The following TRAPPC13 variants were observed in gnomAD, a reference collection of about 807,000 sequenced individuals.
TRAPPC13 encodes the protein trafficking protein particle complex subunit 13.
TRAPPC13 carries 39 observed loss-of-function variants against 54.0 expected under a neutral mutation model. That is an observed-to-expected ratio of 0.72 (90% confidence interval 0.56 to 0.94). The LOEUF is 0.94. TRAPPC13 is among the 40% of genes least tolerant of loss of function. The pLI, the probability that TRAPPC13 is intolerant of heterozygous loss-of-function variation, is 0.00. For synonymous variants in TRAPPC13, 148 were observed against 167.7 expected (o/e 0.88, Z 0.91); for missense variants, 386 against 488.1 (o/e 0.79, Z 1.97).
chr5:65,632,849 C>T (rs1755598513), intron 1 of TRAPPC13, among the ~76,000 whole-genome samples: 2 of 152,114 alleles, frequency 1.3e-5, no homozygotes, highest in African/African-American at 2.4e-5. Flanking sequence ...TTTTTAATTG[C>T]CTTCAGTTTC....
chr5:65,661,087 T>C (rs1354026944), intron 10 of TRAPPC13, 190 bp downstream of exon 10: 3 of 480,924 alleles, frequency 6.2e-6, no homozygotes, highest in Admixed American at 3.9e-5. Context: ...GAATGAAAAA[T>C]GGTCAAATGT....
chr5:65,634,018 C>T (rs1428987778), intron 1 of TRAPPC13, among the ~76,000 whole-genome samples: 3 of 107,320 alleles, frequency 2.8e-5, no homozygotes, highest in African/African-American at 3.6e-5. Context: ...CGGAGTCTTG[C>T]TCTGTCGCCC....
chr5:65,642,919 G>A (rs1486752566), intron 4 of TRAPPC13, among the ~76,000 whole-genome samples: 1 of 152,176 alleles, frequency 6.6e-6, no homozygotes, highest in Non-Finnish European at 1.5e-5. Flanking sequence ...AAAATTGATG[G>A]TGGAAGAAAG....
chr5:65,657,028 G>C lies in TRAPPC13; in HGVS notation c.565-1340G>C, dbSNP rs559177085. 6.1e-3 allele frequency among the ~76,000 whole-genome samples: 933 copies of C among 151,800 alleles called. 11 individuals are homozygous for C. The highest frequency in any genetic ancestry group is 0.021 in the African/African-American group (879 of 41,380). ...GGAGGTGGAGGTTGCAGTGAGAGGA[G>C]ATCTTGCCACTGCATTCTACTCTGG... On this transcript the variant is annotated intron_variant, in intron 8 of 12. Transcript: ENST00000399438.
At chr5:65,627,833 T>G (rs1220411883) in intron 1 of TRAPPC13, among the ~76,000 whole-genome samples, 2 of 152,190 alleles carry the variant, frequency 1.3e-5, no homozygotes, top group Non-Finnish European at 2.9e-5. Flanking sequence ...ATTTATGAAT[T>G]TGAGAGTTGT....
intron 1 of TRAPPC13, among the ~76,000 whole-genome samples, chr5:65,625,689 A>G (rs1426391224): frequency 6.6e-6 from 1 of 152,154 alleles, no homozygotes; most frequent in East Asian, 1.9e-4. Context: ...TAATTAGATC[A>G]TTATTTAGGA....
intron 1 of TRAPPC13, chr5:65,629,613 A>G: frequency 6.5e-7 from 1 of 1,534,602 alleles, no homozygotes; most frequent in Non-Finnish European, 8.7e-7. Flanking sequence ...ATATTACATT[A>G]TCGACCATGT....
chr5:65,664,665 G>A lies in TRAPPC13; in HGVS notation c.*54G>A. ...TTAGTTTCACAGAACTGCTCTTTTT[G>A]TTACCTTTGTAAAATGATGACGTCA... On this transcript the variant is annotated 3_prime_UTR_variant, in exon 13 of 13. Transcript: ENST00000399438. 2 of 1,305,440 alleles carry A rather than the reference G, an allele frequency of 1.5e-6. No individual in the cohort carries two copies. The highest frequency in any genetic ancestry group is 2.2e-6 in the Non-Finnish European group (2 of 922,750). The allele number at this position is 1,305,440 out of a possible 1,614,324, so 80.9% of individuals were successfully genotyped here. A position where few individuals can be genotyped will look rare whatever the true frequency, so the allele number is the denominator to read the frequency against.
intron 4 of TRAPPC13, among the ~76,000 whole-genome samples, chr5:65,644,968 G>A (rs1365037663): frequency 1.3e-5 from 2 of 150,346 alleles, no homozygotes; most frequent in East Asian, 2.0e-4. Flanking sequence ...AGGCCAAGGC[G>A]GGCAGATCAC....
chr5:65,644,217 T>C (rs1756093347), intron 4 of TRAPPC13, among the ~76,000 whole-genome samples: 1 of 152,146 alleles, frequency 6.6e-6, no homozygotes, highest in Non-Finnish European at 1.5e-5. Context: ...TGGGTGTGAT[T>C]TCCCTGATTC....
chr5:65,625,930 T>A (rs1471849697), intron 1 of TRAPPC13: 1 of 152,214 alleles, frequency 6.6e-6, no homozygotes, highest in Non-Finnish European at 1.5e-5. Context: ...ACTTATGGCA[T>A]CCATTTTGAG....
At chr5:65,655,837 G>A (rs556954950) in intron 8 of TRAPPC13, among the ~76,000 whole-genome samples, 184 bp downstream of exon 8, 14 of 151,804 alleles carry the variant, frequency 9.2e-5, no homozygotes, top group Admixed American at 4.6e-4. Context: ...TTTCTATTCC[G>A]TGGGGCAAAA....
At chr5:65,628,461 AT>A (rs753065631) in intron 1 of TRAPPC13, among the ~76,000 whole-genome samples, 433 of 143,404 alleles carry the variant, frequency 3.0e-3, no homozygotes, top group Non-Finnish European at 3.1e-3. Flanking sequence ...AATCCATATA[AT>A]TTTTTTTTTT....
At chr5:65,629,376 GGTTTTTGTTTTTT>G in intron 1 of TRAPPC13, 9 of 939,288 alleles carry the variant, frequency 9.6e-6, no homozygotes, top group African/African-American at 1.7e-5. Flanking sequence ...CATTGGGATT[GGTTTTTGTTTTTT>G]GTTTTTCCTT....
At chr5:65,645,297 C>T (rs1355559180) in intron 4 of TRAPPC13, among the ~76,000 whole-genome samples, 2 of 150,820 alleles carry the variant, frequency 1.3e-5, no homozygotes, top group East Asian at 3.9e-4. Flanking sequence ...GTTTCATTGT[C>T]TGTGGTCTGT....
At chr5:65,658,637 A>C (rs1756736656) in intron 9 of TRAPPC13, 136 bp downstream of exon 9, 2 of 634,544 alleles carry the variant, frequency 3.2e-6, no homozygotes, top group Admixed American at 4.1e-5. Flanking sequence ...AATTCATCAG[A>C]AAGTAGAGTT....
At position 65,649,220 on chromosome 5, in the gene TRAPPC13, A is replaced by T. The variant is rs1458802851; in HGVS notation, c.429-1590A>T. ...GACACAGTGGGACCCTGCCTCAAAA[A>T]AAGAAACTTTTTTTTTACATGACTC... On this transcript the variant is annotated intron_variant, in intron 5 of 12. Coordinates refer to ENST00000399438, the MANE Select transcript of TRAPPC13 (RefSeq NM_024941.4). Among the ~76,000 whole-genome samples, 4 of 101,550 alleles carry T rather than the reference A, an allele frequency of 3.9e-5. 1 individual carries two copies. The highest frequency in any genetic ancestry group is 2.7e-4 in the Admixed American group (3 of 10,998). The allele number at this position is 101,550 out of a possible 152,430, so 66.6% of individuals were successfully genotyped here.
intron 1 of TRAPPC13, chr5:65,629,424 G>T (rs1426899812): frequency 2.8e-5 from 37 of 1,303,282 alleles, no homozygotes; most frequent in Middle Eastern, 2.9e-4. Context: ...TGGTAGGCAG[G>T]GTATCCCTAC....
intron 8 of TRAPPC13, 37 bp from the exon 9 acceptor site, chr5:65,658,331 C>G: frequency 6.5e-7 from 1 of 1,548,214 alleles, no homozygotes. Context: ...TTTTAAATGC[C>G]ACCACACCTT....
Sources: gnomAD v4.1 joint callset for allele counts (sites outside exome capture counted in the v4.1 genomes callset) on GRCh38, gnomAD v4.1.1 for gene constraint, MANE v1.5 for transcripts, NCBI Gene and HGNC (gene_info 2026-07-23, HGNC 2026-07-21) for gene names.